The following FBXL17 variants were observed in gnomAD, a reference collection of about 807,000 sequenced individuals.
FBXL17 encodes F-box and leucine rich repeat protein 17.
FBXL17 carries 22 observed loss-of-function variants against 66.2 expected under a neutral mutation model. The ratio of observed to expected loss-of-function variants is 0.33; its 90% CI spans 0.24 to 0.47. FBXL17 has a LOEUF of 0.47. FBXL17 is among the 20% of genes least tolerant of loss of function. FBXL17 has a pLI of 1.00. For missense variants in FBXL17, 878 were observed against 948.2 expected (o/e 0.93, Z 0.97); for synonymous variants, 474 against 400.5 (o/e 1.18, Z -2.19).
chr5:107,978,712 C>T (rs1752684561), intron 7 of FBXL17, among the ~76,000 whole-genome samples: 1 of 152,156 alleles, frequency 6.6e-6, no homozygotes, highest in Non-Finnish European at 1.5e-5. Flanking sequence ...ATTCCCTACC[C>T]CACTGCCCAC....
At chr5:108,049,911 C>G (rs1747405784) in intron 6 of FBXL17, among the ~76,000 whole-genome samples, 1 of 152,022 alleles carries the variant, frequency 6.6e-6, no homozygotes, top group Non-Finnish European at 1.5e-5. Context: ...AAATGGAAAG[C>G]AAAAATAAAA....
Position 108,045,397 on chromosome 5 carries a change from G to A in FBXL17, c.1746-24396C>T, listed in dbSNP as rs576620442. 3.9e-5 allele frequency among the ~76,000 whole-genome samples: 6 copies of A among 152,130 alleles called. No individual in the cohort carries two copies. In the East Asian group the frequency reaches 5.8e-4, roughly 15 times the overall value. On this transcript the variant is annotated intron_variant, in intron 6 of 8. Transcript: ENST00000542267. ...GCAGAGGTTTCAGTGAGCTCAGATCGCACCACTGCACTCCAGCCTGGGCGA... is the reference window on the plus strand; with the variant it reads ...GCAGAGGTTTCAGTGAGCTCAGATCACACCACTGCACTCCAGCCTGGGCGA...
chr5:108,065,489 T>G (rs1748083285), intron 6 of FBXL17, among the ~76,000 whole-genome samples: 1 of 152,222 alleles, frequency 6.6e-6, no homozygotes, highest in South Asian at 2.1e-4. Flanking sequence ...ACGTGGCAAT[T>G]AATCCCTTGT....
At chr5:108,204,415 G>A (rs1580609329) in intron 5 of FBXL17, among the ~76,000 whole-genome samples, 1 of 152,042 alleles carries the variant, frequency 6.6e-6, no homozygotes, top group East Asian at 1.9e-4. Context: ...TGAACTCCTG[G>A]CCTCAAGGAA....
At chr5:108,347,232 T>G (rs933786995) in intron 4 of FBXL17, among the ~76,000 whole-genome samples, 3 of 152,182 alleles carry the variant, frequency 2.0e-5, no homozygotes, top group Non-Finnish European at 4.4e-5. Flanking sequence ...AGCATGTCAC[T>G]GTAATGAATA....
At chr5:108,088,898 C>T (rs1297147477) in intron 6 of FBXL17, among the ~76,000 whole-genome samples, 1 of 152,026 alleles carries the variant, frequency 6.6e-6, no homozygotes, top group Non-Finnish European at 1.5e-5. Context: ...ACTCACATAA[C>T]ATTTCAAATG....
intron 6 of FBXL17, among the ~76,000 whole-genome samples, chr5:108,072,423 C>A (rs1748369014): frequency 6.6e-6 from 1 of 152,144 alleles, no homozygotes; most frequent in South Asian, 2.1e-4. Flanking sequence ...TTAGAAAGTA[C>A]AGAAAGAAGC....
chr5:108,320,091 T>C (rs1288489551), intron 4 of FBXL17, among the ~76,000 whole-genome samples: 1 of 151,814 alleles, frequency 6.6e-6, no homozygotes, highest in African/African-American at 2.4e-5. Flanking sequence ...CTCTCCTTGC[T>C]AGCTAGAAAT....
chr5:107,868,205 C>T (rs953179102), intron 8 of FBXL17, among the ~76,000 whole-genome samples: 5 of 152,174 alleles, frequency 3.3e-5, no homozygotes, highest in Non-Finnish European at 7.3e-5. Flanking sequence ...TACCACATTG[C>T]CTGGCCCCTT....
intron 6 of FBXL17, among the ~76,000 whole-genome samples, chr5:108,177,965 A>C: frequency 6.7e-6 from 1 of 148,486 alleles, no homozygotes. Context: ...CTAGCACTAC[A>C]TGGCCAATCA....
At chr5:107,948,206 TTTTAAC>T (rs1398048811) in intron 7 of FBXL17, among the ~76,000 whole-genome samples, 3 of 152,218 alleles carry the variant, frequency 2.0e-5, no homozygotes, top group Non-Finnish European at 4.4e-5. Context: ...TAGTCTCTTG[TTTTAAC>T]TTTAACATAT....
intron 5 of FBXL17, among the ~76,000 whole-genome samples, chr5:108,221,071 T>C (rs1754844350): frequency 6.6e-6 from 1 of 152,196 alleles, no homozygotes. Flanking sequence ...TGGACTCTCA[T>C]TAACACAGTC....
At chr5:107,983,558 AAG>A (rs1752905498) in intron 7 of FBXL17, among the ~76,000 whole-genome samples, 2 of 152,266 alleles carry the variant, frequency 1.3e-5, no homozygotes, top group South Asian at 4.1e-4. Flanking sequence ...TGAGATAGCA[AAG>A]AGAGAGGGGG....
intron 6 of FBXL17, among the ~76,000 whole-genome samples, chr5:108,141,659 C>T (rs559243367): frequency 7.9e-5 from 12 of 152,326 alleles, no homozygotes; most frequent in Non-Finnish European, 1.3e-4. Flanking sequence ...TGCGGAGCCT[C>T]TGGAGAAATT....
chr5:108,019,961 T>C (rs1484850943), intron 7 of FBXL17, among the ~76,000 whole-genome samples: 2 of 152,044 alleles, frequency 1.3e-5, no homozygotes, highest in African/African-American at 4.8e-5. Flanking sequence ...TTTAAAATTA[T>C]AGCTTCAGTA....
At chr5:107,887,331 G>A (rs1208231108) in intron 7 of FBXL17, among the ~76,000 whole-genome samples, 1 of 152,184 alleles carries the variant, frequency 6.6e-6, no homozygotes, top group African/African-American at 2.4e-5. Flanking sequence ...ATATATAAAT[G>A]TGAGAACTAA....
chr5:108,099,970 G>A (rs1030939465), intron 6 of FBXL17, among the ~76,000 whole-genome samples: 4 of 152,104 alleles, frequency 2.6e-5, no homozygotes, highest in African/African-American at 9.7e-5. Flanking sequence ...TGGGTTTACT[G>A]CTATGTATTC....
intron 7 of FBXL17, among the ~76,000 whole-genome samples, chr5:107,905,855 C>T (rs1002517114): frequency 3.3e-5 from 5 of 152,206 alleles, no homozygotes; most frequent in Admixed American, 2.6e-4. Flanking sequence ...GCCTCAGCTG[C>T]CTCAGGCAGC....
At chr5:107,944,518 A>C (rs1171422963) in intron 7 of FBXL17, among the ~76,000 whole-genome samples, 1 of 152,132 alleles carries the variant, frequency 6.6e-6, no homozygotes, top group African/African-American at 2.4e-5. Context: ...CTTTCAAAAA[A>C]TCAAATCTGC....
Sources: gnomAD v4.1 joint callset for allele counts (sites outside exome capture counted in the v4.1 genomes callset) on GRCh38, gnomAD v4.1.1 for gene constraint, MANE v1.5 for transcripts, NCBI Gene and HGNC (gene_info 2026-07-23, HGNC 2026-07-21) for gene names.